The following NDNF variants were observed in gnomAD, a reference collection of about 807,000 sequenced individuals.
NDNF encodes neuron derived neurotrophic factor.
A neutral mutation model predicts 42.0 loss-of-function variants in NDNF; 16 were observed. The observed-to-expected ratio is 0.38, with a 90% CI of 0.26 to 0.58. The LOEUF is 0.58. Among genes scored for constraint, NDNF ranks in the 20% least tolerant of loss-of-function variants. The pLI is 0.67. For synonymous variants in NDNF, 248 were observed against 251.7 expected, an observed-to-expected ratio of 0.99 and a Z score of 0.14; for missense variants, 616 against 666.2, an observed-to-expected ratio of 0.92 and a Z score of 0.83.
Position 121,039,143 on chromosome 4 carries a change from G to GTATA in NDNF, c.313+786_313+787insTATA, listed in dbSNP as rs1386847891. ...TACGTATACATAGTTATATATATAT[G>GTATA]TGTATATATATATGTATATATATAT... On this transcript the variant is annotated intron_variant, in intron 3 of 3. Transcript: ENST00000379692. Among the ~76,000 whole-genome samples the GTATA allele has an allele frequency of 1.2e-3, 44 of 37,704 alleles. 6 individuals carry two copies. The highest frequency in any genetic ancestry group is 0.031 in the Middle Eastern group (2 of 64). 24.7% of individuals were successfully genotyped at this position (37,704 alleles called of 152,430 possible). A position where few individuals can be genotyped will look rare whatever the true frequency, so the allele number is the denominator to read the frequency against.
intron 3 of NDNF, 78 bp downstream of exon 3, chr4:121,039,852 A>T: frequency 6.6e-7 from 1 of 1,504,222 alleles, no homozygotes; most frequent in South Asian, 1.3e-5. Context: ...TCTTACTAAC[A>T]CATAGAAGGT....
At position 121,037,586 on chromosome 4, in the gene NDNF, T is replaced by C; in HGVS notation, c.385A>G (p.Lys129Glu). ...ATAAAATACTCAACATCATTGCCTTTGTAGGAGAATAACTCAGTGCCTTCC... is the reference window on the plus strand; with the variant it reads ...ATAAAATACTCAACATCATTGCCTTCGTAGGAGAATAACTCAGTGCCTTCC... ...NEEGTELFSY[K>E]GNDVEYFISS... Residue 129 changes from lysine (K) to glutamate (E), a missense_variant, in exon 4 of 4, where the codon AAA becomes GAA. Lys to Glu is a moderately conservative substitution (Grantham distance 56). Transcript: ENST00000379692. 2 of 1,611,800 alleles carry C rather than the reference T, an allele frequency of 1.2e-6. No homozygotes were observed. Among genetic ancestry groups the C allele is most frequent in the Non-Finnish European group, 1.7e-6 (2 of 1,179,662 alleles).
intron 1 of NDNF, among the ~76,000 whole-genome samples, chr4:121,056,080 C>T (rs1560608155): frequency 6.6e-6 from 1 of 152,168 alleles, no homozygotes; most frequent in Non-Finnish European, 1.5e-5. Context: ...TGTATCCAAA[C>T]AGATAGGCTA....
intron 1 of NDNF, among the ~76,000 whole-genome samples, chr4:121,058,401 A>T (rs921981828): frequency 4.6e-5 from 7 of 152,060 alleles, no homozygotes; most frequent in Admixed American, 4.6e-4. Flanking sequence ...TGCAAGCCAG[A>T]CTTGAGAGTC....
chr4:121,063,600 T>C (rs1013681902), intron 1 of NDNF, among the ~76,000 whole-genome samples: 2 of 152,102 alleles, frequency 1.3e-5, no homozygotes, highest in Non-Finnish European at 1.5e-5. Context: ...CTTCAACAGA[T>C]GATTTCAGGC....
chr4:121,039,188 GTGTGTATA>G lies in NDNF; in HGVS notation c.313+734_313+741del, dbSNP rs1414601716. Among the ~76,000 whole-genome samples, 142 of 66,576 alleles carry G rather than the reference GTGTGTATA, an allele frequency of 2.1e-3. 2 individuals are homozygous for G. The highest frequency in any genetic ancestry group is 9.9e-3 in the African/African-American group (130 of 13,078). 43.7% of individuals were successfully genotyped at this position (66,576 alleles called of 152,430 possible). A position where few individuals can be genotyped will look rare whatever the true frequency, so the allele number is the denominator to read the frequency against. ...ATATATATAAAGACTATGTGTGTGT[GTGTGTATA>G]TATATATATATATATATATATATAT... On this transcript the variant is annotated intron_variant, in intron 3 of 3. Coordinates refer to ENST00000379692, the MANE Select transcript of NDNF (RefSeq NM_024574.4).
intron 2 of NDNF, among the ~76,000 whole-genome samples, chr4:121,040,459 C>G (rs1450830959): frequency 6.6e-6 from 1 of 152,158 alleles, no homozygotes; most frequent in East Asian, 1.9e-4. Flanking sequence ...AGGTGCCATG[C>G]TTTCCATACA....
At chr4:121,044,691 G>A (rs1269764324) in intron 2 of NDNF, among the ~76,000 whole-genome samples, 1 of 152,142 alleles carries the variant, frequency 6.6e-6, no homozygotes, top group Non-Finnish European at 1.5e-5. Context: ...TGCATTAAGT[G>A]TGGTGTCTCA....
At chr4:121,066,471 T>C (rs1727501340) in intron 1 of NDNF, among the ~76,000 whole-genome samples, 1 of 152,310 alleles carries the variant, frequency 6.6e-6, no homozygotes, top group East Asian at 1.9e-4. Flanking sequence ...CAGGCCCTAT[T>C]ATACTGGTTT....
chr4:121,072,067 C>A lies in NDNF; in HGVS notation c.-76G>T, dbSNP rs1391536724. On this transcript the variant is annotated 5_prime_UTR_variant, in exon 1 of 4. Transcript: ENST00000379692. Reference sequence around the variant, plus strand: ...GTGGTGTGGTGTGCGAAATAGTCCACGTCCCCGGACCCTGCCAAGATGCTA... The same window carrying A: ...GTGGTGTGGTGTGCGAAATAGTCCAAGTCCCCGGACCCTGCCAAGATGCTA... 6.6e-6 allele frequency: 1 copy of A among 152,226 alleles called. No homozygotes were observed. The highest frequency in any genetic ancestry group is 1.5e-5 in the Non-Finnish European group (1 of 68,070). The allele number at this position is 152,226 out of a possible 1,614,324, so 9.4% of individuals were successfully genotyped here. A position where few individuals can be genotyped will look rare whatever the true frequency, so the allele number is the denominator to read the frequency against.
At chr4:121,045,356 A>G (rs1298405354) in intron 2 of NDNF, among the ~76,000 whole-genome samples, 5 of 91,004 alleles carry the variant, frequency 5.5e-5, no homozygotes, top group East Asian at 4.1e-4. Context: ...CGTCTCAGGG[A>G]AAAAAAAAAA....
At chr4:121,058,797 C>A (rs1348838002) in intron 1 of NDNF, among the ~76,000 whole-genome samples, 1 of 152,118 alleles carries the variant, frequency 6.6e-6, no homozygotes, top group African/African-American at 2.4e-5. Context: ...TGCTCTCATA[C>A]CCATTTCCAA....
At chr4:121,067,109 A>G (rs564644712) in intron 1 of NDNF, among the ~76,000 whole-genome samples, 1 of 152,370 alleles carries the variant, frequency 6.6e-6, no homozygotes, top group South Asian at 2.1e-4. Context: ...GTTCCACTCA[A>G]ATGAGTTGAT....
At chr4:121,045,227 C>A (rs1356221370) in intron 2 of NDNF, among the ~76,000 whole-genome samples, 1 of 152,086 alleles carries the variant, frequency 6.6e-6, no homozygotes, top group Non-Finnish European at 1.5e-5. Flanking sequence ...TGGAGGACGC[C>A]TGTAGTCCCA....
chr4:121,064,156 A>C (rs1727461333), intron 1 of NDNF, among the ~76,000 whole-genome samples: 1 of 152,192 alleles, frequency 6.6e-6, no homozygotes, highest in Admixed American at 6.5e-5. Flanking sequence ...TGCTTCTAAA[A>C]CCAAAGAGTT....
intron 1 of NDNF, among the ~76,000 whole-genome samples, chr4:121,046,465 T>C (rs1399617615): frequency 1.3e-5 from 2 of 152,208 alleles, no homozygotes; most frequent in African/African-American, 4.8e-5. Flanking sequence ...AAGTCAAGGA[T>C]TTTTATAAAT....
At chr4:121,071,000 T>G (rs2148774502) in intron 1 of NDNF, among the ~76,000 whole-genome samples, 1 of 151,952 alleles carries the variant, frequency 6.6e-6, no homozygotes, top group East Asian at 1.9e-4. Flanking sequence ...TGGGATAGGG[T>G]GCGGGCAGAA....
intron 1 of NDNF, among the ~76,000 whole-genome samples, chr4:121,053,694 T>A (rs577762640): frequency 6.6e-6 from 1 of 152,326 alleles, no homozygotes; most frequent in African/African-American, 2.4e-5. Context: ...TATCAAAATG[T>A]CCTCTATATG....
intron 1 of NDNF, among the ~76,000 whole-genome samples, chr4:121,047,238 T>G (rs575896983): frequency 2.0e-5 from 3 of 152,210 alleles, no homozygotes; most frequent in Admixed American, 6.5e-5. Context: ...GAGAGTTGGA[T>G]TTTTCACAAC....
Sources: gnomAD v4.1 joint callset for allele counts (sites outside exome capture counted in the v4.1 genomes callset) on GRCh38, gnomAD v4.1.1 for gene constraint, MANE v1.5 for transcripts, NCBI Gene and HGNC (gene_info 2026-07-23, HGNC 2026-07-21) for gene names.